TRIM55: variants seen among roughly 807,000 people sequenced by gnomAD.
TRIM55 encodes the protein tripartite motif-containing protein 55.
TRIM55 carries 50 observed loss-of-function variants against 60.9 expected under a neutral mutation model. The observed-to-expected ratio is 0.82, with a 90% CI of 0.65 to 1.04. The LOEUF is 1.04. TRIM55 is among the 50% of genes least tolerant of loss of function. TRIM55 has a pLI of 0.00. For synonymous variants in TRIM55, 237 were observed against 238.1 expected, an observed-to-expected ratio of 1.00 and a Z score of 0.04; for missense variants, 681 against 666.9, an observed-to-expected ratio of 1.02 and a Z score of -0.23.
At position 66,162,189 on chromosome 8, in the gene TRIM55, T is replaced by C. The variant is rs560631025; in HGVS notation, c.1524+7855T>C. Among the ~76,000 whole-genome samples the C allele has an allele frequency of 2.6e-5, 4 of 152,250 alleles. No individual in the cohort carries two copies. The South Asian group carries it at 8.3e-4, about 32-fold the overall frequency. On this transcript the variant is annotated intron_variant, in intron 9 of 9. Transcript: ENST00000315962. The stretch of plus-strand genomic sequence containing the variant: ...TGGTTTTTTATTACCTTAAGGTATG[T>C]CCCTTCTATGCTAATTTTGCTGAGG...
intron 9 of TRIM55, among the ~76,000 whole-genome samples, chr8:66,172,727 T>TA (rs1811711829): frequency 6.6e-6 from 1 of 152,252 alleles, no homozygotes; most frequent in Non-Finnish European, 1.5e-5. Flanking sequence ...CCAACTTGTG[T>TA]CACCCTTCAA....
chr8:66,127,916 G>T (rs1369633251), intron 1 of TRIM55, among the ~76,000 whole-genome samples: 1 of 152,060 alleles, frequency 6.6e-6, no homozygotes, highest in Non-Finnish European at 1.5e-5. Context: ...TTAATGATTT[G>T]GTTTGTGTCC....
At chr8:66,121,871 T>C in the TRIM55 span, among the ~76,000 whole-genome samples, 9 of 152,228 alleles carry the variant, frequency 5.9e-5, no homozygotes, top group African/African-American at 2.2e-4. Flanking sequence ...CTGGTTTTCA[T>C]GTCCCTGCGC....
intron 3 of TRIM55, among the ~76,000 whole-genome samples, chr8:66,136,336 G>T (rs1227460221): frequency 6.6e-6 from 1 of 152,154 alleles, no homozygotes; most frequent in Non-Finnish European, 1.5e-5. Context: ...CTTGAAGAAG[G>T]TTCTGCAGCT....
rs151067178 is a variant in TRIM55 at position 66,135,014 on chromosome 8, C to T, written c.366C>T (p.Pro122=). 43 of 1,614,070 alleles carry T rather than the reference C, an allele frequency of 2.7e-5. No individual in the cohort carries two copies. In the African/African-American group the frequency reaches 4.9e-4, roughly 19 times the overall value. The change falls in exon 3 of 10, where the codon CCC becomes CCT. Residue 122 remains proline, a synonymous_variant. Coordinates refer to ENST00000315962, the MANE Select transcript of TRIM55 (RefSeq NM_184085.2). ...STRPEKKSDQ[P]MCEEHEEERI... ...GGCCAGAAAAGAAATCCGACCAGCCCATGTGCGAGGAACATGAAGAGGAGC... is the reference window on the plus strand; with the variant it reads ...GGCCAGAAAAGAAATCCGACCAGCCTATGTGCGAGGAACATGAAGAGGAGC...
chr8:66,144,031 T>A (rs1809968949), intron 4 of TRIM55, among the ~76,000 whole-genome samples: 1 of 152,222 alleles, frequency 6.6e-6, no homozygotes, highest in African/African-American at 2.4e-5. Context: ...TTCCATGAAA[T>A]GTTCTCTTTA....
intron 9 of TRIM55, among the ~76,000 whole-genome samples, chr8:66,169,984 G>C (rs1316786047): frequency 6.6e-6 from 1 of 151,936 alleles, no homozygotes; most frequent in Non-Finnish European, 1.5e-5. Flanking sequence ...TATAGTGTCT[G>C]TTAAGAGCAA....
chr8:66,157,217 G>T (rs1032756696), intron 9 of TRIM55, among the ~76,000 whole-genome samples: 38 of 152,108 alleles, frequency 2.5e-4, no homozygotes, highest in African/African-American at 8.2e-4. Context: ...AGGAGGGTGG[G>T]GCAGGTGGAG....
At chr8:66,140,869 G>C (rs575008643) in intron 4 of TRIM55, among the ~76,000 whole-genome samples, 4 of 152,326 alleles carry the variant, frequency 2.6e-5, no homozygotes, top group Admixed American at 2.6e-4. Context: ...TGGCCAGGGG[G>C]TGGAGAGCTG....
chr8:66,162,072 A>C (rs575159604), intron 9 of TRIM55, among the ~76,000 whole-genome samples: 85 of 151,954 alleles, frequency 5.6e-4, no homozygotes, highest in African/African-American at 2.0e-3. Context: ...GAAATGGTGA[A>C]AGTGGGCATC....
At chr8:66,115,963 G>A in the TRIM55 span, among the ~76,000 whole-genome samples, 2 of 152,336 alleles carry the variant, frequency 1.3e-5, no homozygotes, top group Non-Finnish European at 1.5e-5. Context: ...CTGGCAAACT[G>A]TAGAGATTCG....
upstream of TRIM55, among the ~76,000 whole-genome samples, chr8:66,124,172 C>T (rs1439668653): frequency 6.6e-6 from 1 of 152,166 alleles, no homozygotes; most frequent in East Asian, 1.9e-4. Context: ...TGTGCCAGGG[C>T]TTCGCGACCT....
chr8:66,136,570 T>A (rs970767437), intron 3 of TRIM55, among the ~76,000 whole-genome samples: 12 of 152,142 alleles, frequency 7.9e-5, no homozygotes, highest in African/African-American at 2.9e-4. Context: ...TCTTCCTAAG[T>A]CAAAAGAGCA....
the TRIM55 span, among the ~76,000 whole-genome samples, chr8:66,115,649 A>G: frequency 1.3e-5 from 2 of 152,200 alleles, no homozygotes; most frequent in African/African-American, 4.8e-5. Context: ...TTCACATACA[A>G]AGCTCAAAGG....
At chr8:66,134,925 G>A in intron 2 of TRIM55, 65 bp from the exon 3 acceptor site, 1 of 1,550,946 alleles carries the variant, frequency 6.4e-7, no homozygotes, top group South Asian at 1.2e-5. Context: ...AGCAACATCA[G>A]CTCTGCCTTG....
At chr8:66,159,000 T>C (rs1229957934) in intron 9 of TRIM55, among the ~76,000 whole-genome samples, 1 of 152,182 alleles carries the variant, frequency 6.6e-6, no homozygotes, top group Admixed American at 6.5e-5. Flanking sequence ...AGTCAGTGGA[T>C]GAAGAAATGA....
rs1390201758 is a variant in TRIM55, at chr8:66,154,130, G to C, written c.1320G>C (p.Leu440Phe). Residue 440 changes from leucine to phenylalanine, a missense_variant, in exon 9 of 10, where the codon TTG becomes TTC. Physicochemically the swap from Leu to Phe is conservative, Grantham distance 22 (BLOSUM62 0). Transcript: ENST00000315962. The stretch of plus-strand genomic sequence containing the variant: ...CAGCAGCAGAAACTGCGGATCCCTT[G>C]TTTTACCCTAGTTGGTATAAAGGCC... Reference protein sequence around the residue: ...VPAAAETADPLFYPSWYKGQT... With the variant: ...VPAAAETADPFFYPSWYKGQT... 8.1e-6 allele frequency: 13 copies of C among 1,613,866 alleles called. No homozygotes were observed. The highest frequency in any genetic ancestry group is 1.1e-5 in the Non-Finnish European group (13 of 1,180,014).
Position 66,174,925 on chromosome 8 carries a change from G to A in TRIM55, c.*332G>A, listed in dbSNP as rs556888143. On this transcript the variant is annotated 3_prime_UTR_variant, in exon 10 of 10. Transcript: ENST00000315962. ...AAATGGTGAAAAAAGTGGTCACTAT[G>A]CTTTTGTCTCTCATAGGCACTGACT... 2.1e-3 allele frequency: 352 copies of A among 168,072 alleles called. 3 individuals are homozygous for A. Among genetic ancestry groups the A allele is most frequent in the Non-Finnish European group, 3.0e-3 (237 of 78,188 alleles). 10.4% of individuals were successfully genotyped at this position (168,072 alleles called of 1,614,324 possible). A position where few individuals can be genotyped will look rare whatever the true frequency, so the allele number is the denominator to read the frequency against.
At chr8:66,135,198 C>T in intron 3 of TRIM55, 43 bp downstream of exon 3, 1 of 1,609,312 alleles carries the variant, frequency 6.2e-7, no homozygotes, top group African/African-American at 1.3e-5. Context: ...CTCCCCATCC[C>T]CACACCTTAG....
Sources: allele counts gnomAD v4.1 joint callset (sites outside exome capture counted in the v4.1 genomes callset), GRCh38; gene constraint gnomAD v4.1.1; transcripts MANE v1.5; gene names NCBI Gene and HGNC (gene_info 2026-07-23, HGNC 2026-07-21).